The following AP3B1 variants were observed in gnomAD, a reference collection of about 807,000 sequenced individuals.
AP3B1 encodes the protein AP-3 complex subunit beta-1.
In AP3B1, 61 loss-of-function variants were observed where a neutral mutation model predicts 132.5. The ratio of observed to expected loss-of-function variants is 0.46; its 90% CI spans 0.37 to 0.57. The LOEUF (loss-of-function observed/expected upper bound fraction) is 0.57. Among genes scored for constraint, AP3B1 ranks in the 20% least tolerant of loss-of-function variants. The pLI is 0.00. For synonymous variants in AP3B1, 388 were observed against 438.3 expected, an observed-to-expected ratio of 0.89 and a Z score of 1.43; for missense variants, 1,120 against 1,289.4, an observed-to-expected ratio of 0.87 and a Z score of 2.01.
chr5:78,043,772 C>A, intron 22 of AP3B1: 1 of 384,694 alleles, frequency 2.6e-6, no homozygotes, highest in South Asian at 2.4e-5. Flanking sequence ...CCAAACTGCC[C>A]AATCATGGAG....
chr5:78,204,417 G>C (rs1416878095), intron 7 of AP3B1, among the ~76,000 whole-genome samples: 1 of 152,180 alleles, frequency 6.6e-6, no homozygotes, highest in African/African-American at 2.4e-5. Context: ...TGCAGAGCTT[G>C]AAGGTCAGTC....
In AP3B1 at chr5:78,061,383, G is replaced by A. The variant is rs542838646; in HGVS notation, c.2578-22109C>T. Among the ~76,000 whole-genome samples the A allele has an allele frequency of 3.9e-5, 6 of 152,260 alleles. No homozygotes were observed. The South Asian group carries it at 1.2e-3, about 32-fold the overall frequency. Reference sequence around the variant, plus strand: ...AAACTTGGTGAGTGGTATGTCTACAGGTTCTAGTAAATAAAGCTATGTAAA... The same window carrying A: ...AAACTTGGTGAGTGGTATGTCTACAAGTTCTAGTAAATAAAGCTATGTAAA... On this transcript the variant is annotated intron_variant, in intron 22 of 26. Transcript: ENST00000255194.
intron 7 of AP3B1, among the ~76,000 whole-genome samples, chr5:78,201,916 A>C (rs1166927859): frequency 6.6e-6 from 1 of 152,178 alleles, no homozygotes; most frequent in East Asian, 1.9e-4. Context: ...GGAGCGATGC[A>C]AAAGCAGTCC....
chr5:78,164,330 A>C (rs1743522189), intron 12 of AP3B1, among the ~76,000 whole-genome samples: 2 of 152,136 alleles, frequency 1.3e-5, no homozygotes, highest in South Asian at 4.1e-4. Flanking sequence ...GGACCTTATT[A>C]AACATCCTGA....
chr5:78,119,669 T>C (rs1456603627), intron 17 of AP3B1, among the ~76,000 whole-genome samples: 2 of 152,170 alleles, frequency 1.3e-5, no homozygotes, highest in Non-Finnish European at 2.9e-5. Context: ...GAACAAAGCC[T>C]CCAAGAAATG....
intron 1 of AP3B1, among the ~76,000 whole-genome samples, chr5:78,280,605 A>T (rs1749007681): frequency 6.6e-6 from 1 of 152,204 alleles, no homozygotes; most frequent in Non-Finnish European, 1.5e-5. Flanking sequence ...ACTATAGTAG[A>T]GGAAATATAA....
chr5:78,120,525 A>C (rs1192330015), intron 17 of AP3B1, among the ~76,000 whole-genome samples: 1 of 152,216 alleles, frequency 6.6e-6, no homozygotes, highest in Non-Finnish European at 1.5e-5. Context: ...AAAACAAAAA[A>C]AGGCAGGGGT....
chr5:78,108,616 C>A (rs550325543), intron 20 of AP3B1, among the ~76,000 whole-genome samples: 1 of 152,274 alleles, frequency 6.6e-6, no homozygotes, highest in East Asian at 1.9e-4. Context: ...GGCCTTGGTT[C>A]ACTGCAATAG....
At chr5:78,121,081 T>A (rs1257919511) in intron 17 of AP3B1, among the ~76,000 whole-genome samples, 1 of 151,998 alleles carries the variant, frequency 6.6e-6, no homozygotes, top group Admixed American at 6.6e-5. Context: ...AACAACCTGC[T>A]CCTGAATGAC....
rs1743616533 is a variant in AP3B1, at chr5:78,166,131, ACACACACACAC to A, written c.1168-470_1168-460del. Among the ~76,000 whole-genome samples, 7 of 40,982 alleles carry A rather than the reference ACACACACACAC, an allele frequency of 1.7e-4. No homozygotes were observed. In the South Asian group the frequency reaches 9.3e-3, roughly 54 times the overall value. The allele number at this position is 40,982 out of a possible 152,430, so 26.9% of individuals were successfully genotyped here. On this transcript the variant is annotated intron_variant, in intron 11 of 26. Transcript: ENST00000255194. ...CTGAAACTCTGTCACACACACACACACACACACACACACACACACACACACACACACACACA... is the reference window on the plus strand; with the variant it reads ...CTGAAACTCTGTCACACACACACACAACACACACACACACACACACACACA...
chr5:78,026,907 T>C (rs1292588752), intron 24 of AP3B1, among the ~76,000 whole-genome samples: 1 of 152,218 alleles, frequency 6.6e-6, no homozygotes, highest in Non-Finnish European at 1.5e-5. Context: ...GTTGGCCACT[T>C]GCATTTATTT....
intron 3 of AP3B1, among the ~76,000 whole-genome samples, chr5:78,230,302 C>T (rs1561490269): frequency 1.3e-5 from 2 of 152,192 alleles, no homozygotes; most frequent in South Asian, 4.2e-4. Flanking sequence ...TTTTATAATC[C>T]AAACTATTTC....
chr5:78,037,450 A>T (rs958900739), intron 23 of AP3B1, among the ~76,000 whole-genome samples: 1 of 152,222 alleles, frequency 6.6e-6, no homozygotes, highest in Non-Finnish European at 1.5e-5. Flanking sequence ...AAATATTTTT[A>T]AAAATTAAGT....
chr5:78,146,338 G>A (rs1488053397), intron 14 of AP3B1, among the ~76,000 whole-genome samples: 4 of 152,138 alleles, frequency 2.6e-5, no homozygotes, highest in Admixed American at 2.6e-4. Context: ...ACAACAAATT[G>A]TTTTGATTCT....
chr5:78,021,599 C>G (rs533360509), intron 24 of AP3B1, among the ~76,000 whole-genome samples: 5 of 152,038 alleles, frequency 3.3e-5, no homozygotes, highest in Non-Finnish European at 4.4e-5. Context: ...AGCAGAAAAT[C>G]CGACTAACAG....
At chr5:78,137,072 T>G (rs1235320881) in intron 15 of AP3B1, among the ~76,000 whole-genome samples, 1 of 152,164 alleles carries the variant, frequency 6.6e-6, no homozygotes, top group Non-Finnish European at 1.5e-5. Flanking sequence ...CTGTACTCAT[T>G]AAACAATAAC....
chr5:78,191,846 G>A (rs1299343397), intron 7 of AP3B1, among the ~76,000 whole-genome samples: 1 of 152,144 alleles, frequency 6.6e-6, no homozygotes, highest in African/African-American at 2.4e-5. Context: ...ATACATAGGT[G>A]TATTCAGTTT....
At chr5:78,016,198 GA>G (rs3836855) in intron 25 of AP3B1, among the ~76,000 whole-genome samples, 23,822 of 151,724 alleles carry the variant, frequency 0.16, 2,312 homozygotes, top group Admixed American at 0.26. Flanking sequence ...GAAAATGAAA[GA>G]AAAAATGAGA....
chr5:78,049,125 C>T (rs114752068), intron 22 of AP3B1, among the ~76,000 whole-genome samples: 386 of 152,282 alleles, frequency 2.5e-3, no homozygotes, highest in African/African-American at 9.0e-3. Context: ...AACTTTGAGT[C>T]CTTGATGTGG....
Sources: gnomAD v4.1 joint callset for allele counts (sites outside exome capture counted in the v4.1 genomes callset) on GRCh38, gnomAD v4.1.1 for gene constraint, MANE v1.5 for transcripts, NCBI Gene and HGNC (gene_info 2026-07-23, HGNC 2026-07-21) for gene names.